CACNA1I: variants seen among roughly 807,000 people sequenced by gnomAD.
CACNA1I encodes voltage-dependent T-type calcium channel subunit alpha-1I.
A neutral mutation model predicts 201.6 loss-of-function variants in CACNA1I; 74 were observed. The observed-to-expected ratio is 0.37, with a 90% CI of 0.30 to 0.45. CACNA1I has a LOEUF of 0.45. Among genes scored for constraint, CACNA1I ranks in the 20% least tolerant of loss-of-function variants. CACNA1I has a pLI of 1.00. For missense variants in CACNA1I, 2,346 were observed against 3,138.1 expected, an observed-to-expected ratio of 0.75 and a Z score of 6.03; for synonymous variants, 1,431 against 1,345.2, an observed-to-expected ratio of 1.06 and a Z score of -1.40.
chr22:39,632,671 G>T (rs1294386454), intron 4 of CACNA1I, among the ~76,000 whole-genome samples: 1 of 152,224 alleles, frequency 6.6e-6, no homozygotes, highest in African/African-American at 2.4e-5. Context: ...CATGCAGCTG[G>T]CATTTACTAT....
intron 2 of CACNA1I, among the ~76,000 whole-genome samples, chr22:39,598,610 AC>A (rs939797168): frequency 4.6e-5 from 7 of 151,288 alleles, no homozygotes; most frequent in Non-Finnish European, 8.9e-5. Flanking sequence ...CTTCTCCTGC[AC>A]CCGCCACATG....
In CACNA1I at chr22:39,684,775, G is replaced by T; in HGVS notation, c.6027+277G>T. On this transcript the variant is annotated intron_variant, in intron 36 of 36. Transcript: ENST00000402142. This position sits in a 1 kb window ranked among gnomAD's most constrained non-coding sequence, Gnocchi z 4.6. ...AAGAGGCCTGTGATCCCTAGCTTGA[G>T]GGGAGGGGAGGAGAGGAGGAGGAGT... 1.7e-6 allele frequency: 1 copy of T among 591,682 alleles called. No homozygotes were observed. Among genetic ancestry groups the T allele is most frequent in the South Asian group, 2.1e-5 (1 of 47,822 alleles). 36.7% of individuals were successfully genotyped at this position (591,682 alleles called of 1,614,324 possible).
chr22:39,661,175 G>A lies in CACNA1I; in HGVS notation c.2766G>A (p.Gly922=), dbSNP rs1934995778. Residue 922 remains glycine, a synonymous_variant, in exon 16 of 37, where the codon GGG becomes GGA. Coordinates refer to ENST00000402142, the MANE Select transcript of CACNA1I (RefSeq NM_021096.4). ...GHLDPSLPLG[G]HLGPAGAAGP... ...TGGACCCCAGTCTCCCACTGGGTGGGCACCTAGGTCCTGCTGGGGCTGCGG... is the reference window on the plus strand; with the variant it reads ...TGGACCCCAGTCTCCCACTGGGTGGACACCTAGGTCCTGCTGGGGCTGCGG... 1.2e-6 allele frequency: 2 copies of A among 1,612,966 alleles called. No homozygotes were observed. Among genetic ancestry groups the A allele is most frequent in the South Asian group, 1.1e-5 (1 of 91,006 alleles).
chr22:39,686,364 G>T lies in CACNA1I; in HGVS notation c.6631G>T (p.Glu2211Ter). 7.6e-7 allele frequency: 1 copy of T among 1,311,508 alleles called. No individual in the cohort carries two copies. The highest frequency in any genetic ancestry group is 9.7e-7 in the Non-Finnish European group (1 of 1,028,078). 81.2% of individuals were successfully genotyped at this position (1,311,508 alleles called of 1,614,324 possible). Residue 2211 changes from glutamate to a stop codon, truncating the protein, a stop_gained, in exon 37 of 37, where the codon GAG becomes TAG. Coordinates refer to ENST00000402142, the MANE Select transcript of CACNA1I (RefSeq NM_021096.4). LOFTEE classifies it high-confidence loss of function. The stretch of plus-strand genomic sequence containing the variant: ...GCCCCCGCCGCAACCGCTCCCCGGA[G>T]AGCTGGAGCCGGGAGACGCCGCCAG... ...LAPPPQPLPGELEPGDAASKR... is the reference protein window; with the variant it reads ...LAPPPQPLPG
At chr22:39,633,898 T>A (rs1934133982) in intron 4 of CACNA1I, among the ~76,000 whole-genome samples, 1 of 152,212 alleles carries the variant, frequency 6.6e-6, no homozygotes, top group Non-Finnish European at 1.5e-5. Context: ...GGTTCCATCA[T>A]GCAGTGGGAG....
In CACNA1I at chr22:39,662,226, C is replaced by G; in HGVS notation, c.3163C>G (p.Arg1055Gly). The G allele has an allele frequency of 6.5e-7, 1 of 1,529,198 alleles. No homozygotes were observed. Among genetic ancestry groups the G allele is most frequent in the Non-Finnish European group, 8.8e-7 (1 of 1,142,114 alleles). 94.7% of individuals were successfully genotyped at this position (1,529,198 alleles called of 1,614,324 possible). A position where few individuals can be genotyped will look rare whatever the true frequency, so the allele number is the denominator to read the frequency against. Reference protein sequence around the residue: ...HLAHRHRHHRRTLSLDNRDSV... With the variant: ...HLAHRHRHHRGTLSLDNRDSV... ...GGCGCACCGCCACCGCCACCACCGC[C>G]GGACGCTGTCCCTCGACAACAGGGA... is the stretch of plus-strand genomic sequence containing the variant. The change falls in exon 17 of 37, where the codon CGG becomes GGG. Residue 1055 changes from arginine (R) to glycine (G), a missense_variant. Physicochemically the swap from Arg to Gly is moderately radical, Grantham distance 125. Transcript: ENST00000402142.
rs1467622614 is a variant in CACNA1I, at chr22:39,687,196, A to C, written c.*791A>C. On this transcript the variant is annotated 3_prime_UTR_variant, in exon 37 of 37. Transcript: ENST00000402142. The stretch of plus-strand genomic sequence containing the variant: ...AAGGCTGAGCTGGGGCTCTGGCCCC[A>C]GGTGAGGTCCCCAGCTCCTGAGCAC... 5.3e-5 allele frequency: 8 copies of C among 152,044 alleles called. No homozygotes were observed. The allele number at this position is 152,044 out of a possible 1,614,324, so 9.4% of individuals were successfully genotyped here. A position where few individuals can be genotyped will look rare whatever the true frequency, so the allele number is the denominator to read the frequency against.
intron 23 of CACNA1I, among the ~76,000 whole-genome samples, chr22:39,667,999 A>T (rs1415055300): frequency 6.6e-6 from 1 of 151,530 alleles, no homozygotes; most frequent in African/African-American, 2.4e-5. Flanking sequence ...GAGTTCATGA[A>T]TTTTTTTTTG....
rs746506370 is a variant in CACNA1I at position 39,658,897 on chromosome 22, A to G, written c.2145-34A>G. The G allele has an allele frequency of 5.2e-6, 8 of 1,552,712 alleles. No individual in the cohort carries two copies. In the East Asian group the frequency reaches 1.9e-4, roughly 37 times the overall value. On this transcript the variant is annotated intron_variant, in intron 11 of 36. Transcript: ENST00000402142. ...CCCTGGCCTCCTACTGCTGCCTCCT[A>G]CCTGTACCCTGGGCCTGCCCTGCGG...
At position 39,665,144 on chromosome 22, in the gene CACNA1I, C is replaced by A. The variant is rs1935147742; in HGVS notation, c.3851+221C>A. On this transcript the variant is annotated intron_variant, in intron 21 of 36. Transcript: ENST00000402142. This position sits in a 1 kb window ranked among gnomAD's most constrained non-coding sequence, Gnocchi z 5.5. ...GAAGCTGGACCCCAGTATTGCTGCC[C>A]ACTCTGCGTGTCCCTGAGTGGCTCG... Among the ~76,000 whole-genome samples the A allele has an allele frequency of 1.3e-5, 2 of 152,130 alleles. No individual in the cohort carries two copies.
At chr22:39,598,288 C>CGCCCTGCCCTGCCCCGCCCCGCCCT in intron 2 of CACNA1I, 26 bp downstream of exon 2, 2 of 1,215,222 alleles carry the variant, frequency 1.6e-6, no homozygotes, top group Admixed American at 2.1e-5. Context: ...CGCCCCGCCC[C>CGCCCTGCCCTGCCCCGCCCCGCCCT]GCCCTGCCCT....
chr22:39,576,186 T>C (rs954084329), intron 1 of CACNA1I, among the ~76,000 whole-genome samples: 2 of 152,182 alleles, frequency 1.3e-5, no homozygotes, highest in Admixed American at 6.5e-5. Context: ...ATCTCTTTAA[T>C]GGGTTGATTA....
intron 8 of CACNA1I, 89 bp from the exon 9 acceptor site, chr22:39,647,733 T>G (rs1934531530): frequency 4.3e-6 from 4 of 931,650 alleles, no homozygotes; most frequent in Non-Finnish European, 5.2e-6. Flanking sequence ...CTTTTAGGCT[T>G]GGAAGGGGCT....
intron 10 of CACNA1I, chr22:39,656,716 A>G (rs1934835399): frequency 1.9e-6 from 1 of 518,932 alleles, no homozygotes; most frequent in African/African-American, 1.9e-5. Context: ...AGCAGTTTGG[A>G]GTCCAGCTTG....
At chr22:39,598,066 T>C in intron 1 of CACNA1I, 85 bp from the exon 2 acceptor site, 1 of 730,996 alleles carries the variant, frequency 1.4e-6, no homozygotes, top group East Asian at 2.7e-5. Context: ...GTGTGTGTGG[T>C]GGGTTGCGGG....
intron 1 of CACNA1I, among the ~76,000 whole-genome samples, chr22:39,573,830 G>A (rs895938330): frequency 2.0e-5 from 3 of 152,188 alleles, no homozygotes; most frequent in Admixed American, 1.3e-4. Context: ...AGGGAGAGGA[G>A]TACTGGTTTC....
intron 7 of CACNA1I, 50 bp downstream of exon 7, chr22:39,642,939 C>A: frequency 2.3e-6 from 3 of 1,311,294 alleles, no homozygotes; most frequent in Non-Finnish European, 3.2e-6. Context: ...ACCCATGGAC[C>A]AGGGGACCTG....
chr22:39,649,438 G>A lies in CACNA1I; in HGVS notation c.1568-63G>A. 2 of 1,459,490 alleles carry A rather than the reference G, an allele frequency of 1.4e-6. No homozygotes were observed. Among genetic ancestry groups the A allele is most frequent in the Non-Finnish European group, 1.8e-6 (2 of 1,091,512 alleles). The allele number at this position is 1,459,490 out of a possible 1,614,324, so 90.4% of individuals were successfully genotyped here. ...GGGAGCCAAGCGCACTCAGGGATGT[G>A]TCCCAGGGTGGATTGGGCCTGGTGT... is the stretch of plus-strand genomic sequence containing the variant. On this transcript the variant is annotated intron_variant, in intron 9 of 36. Transcript: ENST00000402142. This position sits in a 1 kb window ranked among gnomAD's most constrained non-coding sequence, Gnocchi z 7.3.
chr22:39,625,534 T>A (rs1036743716), intron 4 of CACNA1I, among the ~76,000 whole-genome samples: 12 of 152,186 alleles, frequency 7.9e-5, no homozygotes, highest in African/African-American at 2.9e-4. Context: ...CTGGATTAAA[T>A]ACGTGGCTCT....
Sources: allele counts gnomAD v4.1 joint callset (sites outside exome capture counted in the v4.1 genomes callset), GRCh38; gene constraint gnomAD v4.1.1; non-coding constraint Gnocchi (gnomAD v3.1); transcripts MANE v1.5; gene names NCBI Gene and HGNC (gene_info 2026-07-23, HGNC 2026-07-21).